The following ESR1 variants were observed in gnomAD, a reference collection of about 807,000 sequenced individuals.
ESR1 encodes estrogen receptor.
In ESR1, 12 loss-of-function variants were observed where a neutral mutation model predicts 52.7. The observed-to-expected ratio is 0.23, with a 90% confidence interval of 0.15 to 0.37. The LOEUF is 0.37. Among genes scored for constraint, ESR1 ranks in the 10% least tolerant of loss-of-function variants. The pLI is 1.00. For missense variants in ESR1, 584 were observed against 779.7 expected, an observed-to-expected ratio of 0.75 and a Z score of 2.99; for synonymous variants, 305 against 316.8, an observed-to-expected ratio of 0.96 and a Z score of 0.39.
rs1317539881 is a variant in ESR1, at chr6:152,100,547, A to G, written c.*1581A>G. ...CCTGGGCCTTTGCTTCTCTAGCACA[A>G]TTATGGGTTACTTCCTTTTTCTTAA... On this transcript the variant is annotated 3_prime_UTR_variant, in exon 8 of 8. Transcript: ENST00000206249. 5 of 233,458 alleles carry G rather than the reference A, an allele frequency of 2.1e-5. No homozygotes were observed. The highest frequency in any genetic ancestry group is 3.4e-5 in the Non-Finnish European group (4 of 118,462). The allele number at this position is 233,458 out of a possible 1,614,324, so 14.5% of individuals were successfully genotyped here.
intron 1 of ESR1, among the ~76,000 whole-genome samples, chr6:151,661,556 C>T (rs1451666068): frequency 6.6e-6 from 1 of 152,164 alleles, no homozygotes; most frequent in East Asian, 1.9e-4. Context: ...TTTCCCAGCA[C>T]AAACAAATAT....
intron 1 of ESR1, among the ~76,000 whole-genome samples, chr6:151,666,517 C>T (rs564245846): frequency 2.6e-5 from 4 of 152,300 alleles, no homozygotes; most frequent in African/African-American, 9.6e-5. Context: ...CCTCCACTGA[C>T]CTTGCTGGGT....
intron 3 of ESR1, among the ~76,000 whole-genome samples, chr6:151,889,691 A>G (rs1794415566): frequency 6.6e-6 from 1 of 151,840 alleles, no homozygotes; most frequent in South Asian, 2.1e-4. Context: ...TCTTCCTTCT[A>G]CTAACTTGGG....
At chr6:151,861,822 A>G (rs1356169702) in intron 2 of ESR1, among the ~76,000 whole-genome samples, 1 of 152,008 alleles carries the variant, frequency 6.6e-6, no homozygotes, top group Admixed American at 6.6e-5. Flanking sequence ...CCTGACAATT[A>G]GCCTTATGCT....
chr6:151,835,093 T>C (rs1783098617), intron 1 of ESR1, among the ~76,000 whole-genome samples: 1 of 152,014 alleles, frequency 6.6e-6, no homozygotes, highest in Non-Finnish European at 1.5e-5. Context: ...AATGGGAGGA[T>C]AAACAGGTGT....
chr6:151,704,417 T>G (rs1255076285), intron 2 of ESR1, among the ~76,000 whole-genome samples: 3 of 152,090 alleles, frequency 2.0e-5, no homozygotes, highest in African/African-American at 4.8e-5. Flanking sequence ...TTTTGTATTT[T>G]TAGTAGAGAT....
At chr6:151,797,162 C>A (rs1389652876) in intron 2 of ESR1, among the ~76,000 whole-genome samples, 1 of 152,182 alleles carries the variant, frequency 6.6e-6, no homozygotes, top group East Asian at 1.9e-4. Context: ...AAAAAGTAAC[C>A]GGGTCTCATG....
intron 1 of ESR1, among the ~76,000 whole-genome samples, chr6:151,825,836 A>C (rs1781382992): frequency 7.0e-6 from 1 of 142,852 alleles, no homozygotes; most frequent in Non-Finnish European, 1.5e-5. Context: ...ACTTGGACCC[A>C]GGAGGTGGAG....
At position 151,927,440 on chromosome 6, in the gene ESR1, A is replaced by G. The variant is rs532730553; in HGVS notation, c.761-16733A>G. Among the ~76,000 whole-genome samples, 14 of 152,322 alleles carry G rather than the reference A, an allele frequency of 9.2e-5. No homozygotes were observed. The East Asian group carries it at 2.5e-3, about 27-fold the overall frequency. ...ACAATTTCTTTCTTGAAGATTTGTT[A>G]GAAGTAATCTTGCCACCACCTGAGC... On this transcript the variant is annotated intron_variant, in intron 3 of 7. Coordinates refer to ENST00000206249, the MANE Select transcript of ESR1 (RefSeq NM_000125.4).
At chr6:151,683,508 C>A (rs1352811823) in intron 1 of ESR1, among the ~76,000 whole-genome samples, 1 of 151,498 alleles carries the variant, frequency 6.6e-6, no homozygotes, top group Non-Finnish European at 1.5e-5. Flanking sequence ...TGTGAACTAC[C>A]ACCTTGGATG....
intron 2 of ESR1, among the ~76,000 whole-genome samples, chr6:151,786,233 G>T (rs2128126893): frequency 6.6e-6 from 1 of 152,288 alleles, no homozygotes; most frequent in African/African-American, 2.4e-5. Context: ...TGTTTCCCAG[G>T]AGACTTTCTG....
chr6:151,906,158 G>A (rs1236410550), intron 3 of ESR1, among the ~76,000 whole-genome samples: 1 of 152,052 alleles, frequency 6.6e-6, no homozygotes, highest in African/African-American at 2.4e-5. Context: ...AGAACTATGA[G>A]ATATTTAAAA....
chr6:152,014,201 T>G (rs1225912030), intron 5 of ESR1, among the ~76,000 whole-genome samples: 2 of 152,142 alleles, frequency 1.3e-5, no homozygotes. Flanking sequence ...TCTTTGTAAA[T>G]TACCCAGTCT....
chr6:151,991,145 C>T (rs1038205828), intron 4 of ESR1, among the ~76,000 whole-genome samples: 1 of 152,116 alleles, frequency 6.6e-6, no homozygotes, highest in Non-Finnish European at 1.5e-5. Flanking sequence ...TGGCTCTGTA[C>T]AGACAGTAAG....
At position 152,053,684 on chromosome 6, in the gene ESR1, G is replaced by T; in HGVS notation, c.1236-7307G>T. Among the ~76,000 whole-genome samples the T allele has an allele frequency of 6.7e-6, 1 of 150,064 alleles. No individual in the cohort carries two copies. The highest frequency in any genetic ancestry group is 2.0e-4 in the East Asian group (1 of 5,110). The stretch of plus-strand genomic sequence containing the variant: ...TCTCTCTCTCTCTCTTCCCTAGTGA[G>T]CTCACTTGCTTTCCCAGTTTCAGTG... On this transcript the variant is annotated intron_variant, in intron 5 of 7. Coordinates refer to ENST00000206249, the MANE Select transcript of ESR1 (RefSeq NM_000125.4). This position sits in a 1 kb window ranked among gnomAD's most constrained non-coding sequence, Gnocchi z 4.1.
intron 1 of ESR1, among the ~76,000 whole-genome samples, chr6:151,691,796 AT>A (rs1168057893): frequency 6.6e-6 from 1 of 152,192 alleles, no homozygotes; most frequent in Non-Finnish European, 1.5e-5. Flanking sequence ...AGAACCATGG[AT>A]GGTTCAGGGT....
intron 2 of ESR1, among the ~76,000 whole-genome samples, chr6:151,740,096 T>C (rs1364730904): frequency 6.6e-6 from 1 of 151,990 alleles, no homozygotes; most frequent in Non-Finnish European, 1.5e-5. Context: ...TCTTTCCATT[T>C]TCTGCCACTG....
chr6:152,011,546 TCCATCTAGTAGAAAATA>T, intron 4 of ESR1, 93 bp from the exon 5 acceptor site: 1 of 1,203,206 alleles, frequency 8.3e-7, no homozygotes, highest in Non-Finnish European at 1.2e-6. Context: ...TTGCATTTAC[TCCATCTAGTAGAAAATA>T]GACCTTGTCA....
At chr6:151,751,340 A>G (rs1304549831) in intron 2 of ESR1, among the ~76,000 whole-genome samples, 1 of 152,188 alleles carries the variant, frequency 6.6e-6, no homozygotes, top group African/African-American at 2.4e-5. Context: ...GTTTGAGAGT[A>G]AAAGTTTGAT....
Sources: allele counts gnomAD v4.1 joint callset (sites outside exome capture counted in the v4.1 genomes callset), GRCh38; gene constraint gnomAD v4.1.1; non-coding constraint Gnocchi (gnomAD v3.1); transcripts MANE v1.5; gene names NCBI Gene and HGNC (gene_info 2026-07-23, HGNC 2026-07-21).